Variants in SORCS1 observed in about 807,000 individuals in gnomAD.
SORCS1 encodes the protein VPS10 domain-containing receptor SorCS1.
A neutral mutation model predicts 146.1 loss-of-function variants in SORCS1; 60 were observed. That is an observed-to-expected ratio of 0.41 (90% CI 0.33 to 0.51). The LOEUF is 0.51. Ranked by LOEUF, SORCS1 falls within the 20% of genes least tolerant of loss-of-function variation. The pLI is 0.21. For synonymous variants in SORCS1, 637 were observed against 584.0 expected (o/e 1.09, Z -1.31); for missense variants, 1,352 against 1,487.6 (o/e 0.91, Z 1.50).
At chr10:106,625,543 G>C (rs955410794) in intron 19 of SORCS1, among the ~76,000 whole-genome samples, 4 of 152,030 alleles carry the variant, frequency 2.6e-5, no homozygotes, top group Admixed American at 2.6e-4. Context: ...ATTTAATTTG[G>C]GGGCAGGTGG....
intron 9 of SORCS1, 134 bp from the exon 10 acceptor site, chr10:106,688,472 G>T: frequency 1.1e-6 from 1 of 948,070 alleles, no homozygotes; most frequent in South Asian, 1.7e-5. Context: ...GACGATGGGG[G>T]AAGGAGGTGG....
At position 106,629,335 on chromosome 10, in the gene SORCS1, C is replaced by A; in HGVS notation, c.2529G>T (p.Val843=). 1 of 1,614,194 alleles carries A rather than the reference C, an allele frequency of 6.2e-7. No individual in the cohort carries two copies. Among genetic ancestry groups the A allele is most frequent in the South Asian group, 1.1e-5 (1 of 91,084 alleles). Residue 843 remains valine (V), a synonymous_variant, in exon 19 of 26, where the codon GTG becomes GTT. Transcript: ENST00000263054. ...IQVDFGDGIA[V]SYVNLSSMED... ...CCATGGAGCTGAGATTGACGTAAGA[C>A]ACCGCGATACCATCGCCAAAGTCCA... is the stretch of plus-strand genomic sequence containing the variant.
chr10:106,669,715 T>C (rs943005459), intron 16 of SORCS1, among the ~76,000 whole-genome samples: 20 of 152,236 alleles, frequency 1.3e-4, no homozygotes, highest in Non-Finnish European at 4.4e-5. Flanking sequence ...CCTGAAGATT[T>C]GAGCTCCAAT....
chr10:106,880,910 A>G (rs1414199277), intron 2 of SORCS1, among the ~76,000 whole-genome samples: 1 of 151,878 alleles, frequency 6.6e-6, no homozygotes. Flanking sequence ...AACATGGTGA[A>G]ACCCCATCTC....
At chr10:106,742,691 A>G (rs887999425) in intron 5 of SORCS1, among the ~76,000 whole-genome samples, 12 of 152,062 alleles carry the variant, frequency 7.9e-5, no homozygotes, top group African/African-American at 2.9e-4. Context: ...ATTTCATACA[A>G]TACGTTTATT....
At chr10:106,806,760 C>T (rs1589438816) in intron 3 of SORCS1, among the ~76,000 whole-genome samples, 1 of 151,810 alleles carries the variant, frequency 6.6e-6, no homozygotes. Context: ...CGTGATCAGC[C>T]CACCCTGGCC....
At chr10:106,751,491 C>A (rs933689425) in intron 5 of SORCS1, among the ~76,000 whole-genome samples, 2 of 152,172 alleles carry the variant, frequency 1.3e-5, no homozygotes, top group African/African-American at 4.8e-5. Context: ...AGGACAGGCT[C>A]GCACTGTGAG....
chr10:107,061,579 A>G (rs1194450402), intron 1 of SORCS1, among the ~76,000 whole-genome samples: 1 of 152,206 alleles, frequency 6.6e-6, no homozygotes, highest in Non-Finnish European at 1.5e-5. Flanking sequence ...GATGATAGCA[A>G]AAGCTCCATA....
chr10:106,809,522 G>C (rs1947356199), intron 3 of SORCS1, among the ~76,000 whole-genome samples: 1 of 152,170 alleles, frequency 6.6e-6, no homozygotes, highest in African/African-American at 2.4e-5. Context: ...ATGCAAAATG[G>C]AGATGAGTGA....
At chr10:106,726,126 GT>G (rs1435806624) in intron 6 of SORCS1, among the ~76,000 whole-genome samples, 2 of 130,866 alleles carry the variant, frequency 1.5e-5, no homozygotes, top group Non-Finnish European at 3.3e-5. Context: ...TGTTTATTTT[GT>G]TGTTGTTGTT....
intron 24 of SORCS1, among the ~76,000 whole-genome samples, chr10:106,595,282 C>T (rs1342764835): frequency 3.9e-5 from 6 of 152,138 alleles, no homozygotes; most frequent in Admixed American, 6.5e-5. Context: ...CTTGGCCCAG[C>T]GTAGGCAGGC....
intron 1 of SORCS1, among the ~76,000 whole-genome samples, chr10:107,100,816 T>C (rs547299156): frequency 6.6e-6 from 1 of 152,344 alleles, no homozygotes; most frequent in East Asian, 1.9e-4. Flanking sequence ...TCTGTCAAGA[T>C]TCTTAATGTT....
In SORCS1 at chr10:107,080,832, T is replaced by C. The variant is rs543527078; in HGVS notation, c.558+83137A>G. On this transcript the variant is annotated intron_variant, in intron 1 of 25. Coordinates refer to ENST00000263054, the MANE Select transcript of SORCS1 (RefSeq NM_052918.5). ...GTCAACTGATCTCAATAAAATCTTA[T>C]AGGAAACTCAAAAGGCACCTTTTGT... Among the ~76,000 whole-genome samples, 173 of 152,332 alleles carry C rather than the reference T, an allele frequency of 1.1e-3. 3 individuals carry two copies. Among genetic ancestry groups the C allele is most frequent in the East Asian group, 1.9e-4 (1 of 5,184 alleles).
upstream of SORCS1, among the ~76,000 whole-genome samples, chr10:107,169,553 A>G (rs910597466): frequency 6.6e-6 from 1 of 152,220 alleles, no homozygotes; most frequent in African/African-American, 2.4e-5. Context: ...ATGAAAGTTA[A>G]TTCTACCTTG....
intron 8 of SORCS1, among the ~76,000 whole-genome samples, chr10:106,702,915 C>T (rs962982373): frequency 3.2e-4 from 49 of 152,170 alleles, no homozygotes; most frequent in African/African-American, 1.1e-3. Flanking sequence ...TTTTAGTAGA[C>T]TTGAAAAGGA....
chr10:106,817,458 T>G (rs1947799382), intron 3 of SORCS1, among the ~76,000 whole-genome samples: 1 of 152,192 alleles, frequency 6.6e-6, no homozygotes, highest in Admixed American at 6.5e-5. Flanking sequence ...CTTCTTTTAT[T>G]GCTATGTTTT....
At chr10:107,026,140 G>A (rs909309976) in intron 1 of SORCS1, among the ~76,000 whole-genome samples, 2 of 152,176 alleles carry the variant, frequency 1.3e-5, no homozygotes, top group Admixed American at 1.3e-4. Context: ...ATTTTCAAAT[G>A]AATTTGGGTT....
At chr10:106,673,298 AT>A in intron 14 of SORCS1, among the ~76,000 whole-genome samples, 1 of 151,816 alleles carries the variant, frequency 6.6e-6, no homozygotes, top group Admixed American at 6.6e-5. Flanking sequence ...CACCAAGCTA[AT>A]TTTTTCTATT....
intron 6 of SORCS1, among the ~76,000 whole-genome samples, chr10:106,715,528 C>G (rs990173500): frequency 2.0e-5 from 3 of 152,218 alleles, no homozygotes; most frequent in Non-Finnish European, 4.4e-5. Context: ...CGTCTCCAAA[C>G]GCTGATCTAG....
Sources: gnomAD v4.1 joint callset for allele counts (sites outside exome capture counted in the v4.1 genomes callset) on GRCh38, gnomAD v4.1.1 for gene constraint, MANE v1.5 for transcripts, NCBI Gene and HGNC (gene_info 2026-07-23, HGNC 2026-07-21) for gene names.